Variants in RNLS observed in about 807,000 individuals in gnomAD.
RNLS encodes renalase.
RNLS carries 39 observed loss-of-function variants against 39.8 expected under a neutral mutation model. The ratio of observed to expected loss-of-function variants is 0.98; its 90% CI spans 0.76 to 1.28. The LOEUF is 1.28. RNLS is among the 50% of genes most tolerant of loss of function. The pLI is 0.00. For missense variants in RNLS, 410 were observed against 413.3 expected, an observed-to-expected ratio of 0.99 and a Z score of 0.07; for synonymous variants, 147 against 150.7, an observed-to-expected ratio of 0.98 and a Z score of 0.18.
chr10:88,186,870 A>G, the RNLS span, among the ~76,000 whole-genome samples: 1 of 152,092 alleles, frequency 6.6e-6, no homozygotes, highest in African/African-American at 2.4e-5. Flanking sequence ...TTAAGAGCTA[A>G]GGCAGAATTT....
chr10:88,377,571 CAT>C (rs909505722), intron 4 of RNLS, among the ~76,000 whole-genome samples: 19 of 151,820 alleles, frequency 1.3e-4, no homozygotes, highest in African/African-American at 4.1e-4. Context: ...GACTGTAACA[CAT>C]GTTACGTATT....
intron 5 of RNLS, among the ~76,000 whole-genome samples, chr10:88,360,693 CCCAAGATTTCCTTGATT>C (rs1190152120): frequency 1.3e-5 from 2 of 152,182 alleles, no homozygotes; most frequent in Non-Finnish European, 2.9e-5. Flanking sequence ...ACCTTGGCCT[CCCAAGATTTCCTTGATT>C]CTTAGAAAGG....
chr10:88,502,796 T>G (rs923351558), intron 4 of RNLS, among the ~76,000 whole-genome samples: 1 of 152,116 alleles, frequency 6.6e-6, no homozygotes. Flanking sequence ...GAAAACCTGA[T>G]AGTTCTCAGA....
chr10:88,443,141 C>T (rs1349540915), intron 4 of RNLS, among the ~76,000 whole-genome samples: 1 of 152,210 alleles, frequency 6.6e-6, no homozygotes, highest in African/African-American at 2.4e-5. Flanking sequence ...GTTTTTACCA[C>T]TCGCTATACA....
At chr10:88,275,962 G>A (rs980761792) in intron 6 of RNLS, among the ~76,000 whole-genome samples, 1 of 152,134 alleles carries the variant, frequency 6.6e-6, no homozygotes, top group Admixed American at 6.6e-5. Context: ...GCTGAGGCAG[G>A]AGGATCCCTT....
In RNLS at chr10:88,578,062, T is replaced by C. The variant is rs191607671; in HGVS notation, c.367+3505A>G. Among the ~76,000 whole-genome samples, 801 of 152,284 alleles carry C rather than the reference T, an allele frequency of 5.3e-3. 6 individuals are homozygous for C. Among genetic ancestry groups the C allele is most frequent in the Non-Finnish European group, 7.3e-3 (496 of 68,002 alleles). ...TAGTTGGCAATTTGATTTCTTAAAG[T>C]AAGGAATATATGAAGGTCAGCTTCA... On this transcript the variant is annotated intron_variant, in intron 3 of 6. Transcript: ENST00000331772.
intron 4 of RNLS, among the ~76,000 whole-genome samples, chr10:88,486,313 A>C (rs1844516308): frequency 6.6e-6 from 1 of 152,194 alleles, no homozygotes; most frequent in South Asian, 2.1e-4. Context: ...GGAACAGGCA[A>C]AGATTTCATG....
At chr10:88,362,226 C>T (rs1390061667) in intron 5 of RNLS, among the ~76,000 whole-genome samples, 2 of 151,898 alleles carry the variant, frequency 1.3e-5, no homozygotes, top group Admixed American at 6.6e-5. Context: ...ACAAACTTCA[C>T]CAAGAAACAA....
At chr10:88,334,899 C>A (rs943258459) in intron 5 of RNLS, among the ~76,000 whole-genome samples, 1 of 152,074 alleles carries the variant, frequency 6.6e-6, no homozygotes, top group African/African-American at 2.4e-5. Flanking sequence ...TAACTCTTGT[C>A]CCAGAAGGAA....
chr10:88,378,740 T>C (rs115805569), intron 4 of RNLS, among the ~76,000 whole-genome samples: 2,289 of 152,326 alleles, frequency 0.015, 67 homozygotes, highest in African/African-American at 0.052. Flanking sequence ...CTATACATAC[T>C]TTGTTGAACC....
intron 5 of RNLS, among the ~76,000 whole-genome samples, chr10:88,356,565 CTT>C (rs1330278041): frequency 1.3e-5 from 2 of 152,130 alleles, no homozygotes; most frequent in Non-Finnish European, 2.9e-5. Context: ...TGGAATAACA[CTT>C]CTGCATATTT....
At chr10:88,214,048 C>G in the RNLS span, among the ~76,000 whole-genome samples, 1 of 152,098 alleles carries the variant, frequency 6.6e-6, no homozygotes, top group Non-Finnish European at 1.5e-5. Flanking sequence ...CTCTCCATTT[C>G]TCGGCTCTGT....
the RNLS span, among the ~76,000 whole-genome samples, chr10:88,267,509 A>G: frequency 2.6e-5 from 4 of 152,182 alleles, no homozygotes; most frequent in Non-Finnish European, 5.9e-5. Flanking sequence ...CCAGGATTTC[A>G]AGGCGCAGTG....
intron 4 of RNLS, among the ~76,000 whole-genome samples, chr10:88,522,186 T>G (rs1205066522): frequency 2.6e-5 from 4 of 152,072 alleles, no homozygotes. Context: ...TATTTGTCAA[T>G]ACATTAATAG....
At chr10:88,560,564 G>T (rs1849117293) in intron 4 of RNLS, among the ~76,000 whole-genome samples, 1 of 152,098 alleles carries the variant, frequency 6.6e-6, no homozygotes, top group Non-Finnish European at 1.5e-5. Context: ...CCCGTAAGCA[G>T]AGAGTAGTAG....
the RNLS span, among the ~76,000 whole-genome samples, chr10:88,197,496 T>C: frequency 2.0e-5 from 3 of 152,148 alleles, no homozygotes; most frequent in Admixed American, 6.5e-5. Context: ...AGTGGTTAGA[T>C]GGTGCTCTGC....
At chr10:88,527,599 T>C (rs1847181639) in intron 4 of RNLS, among the ~76,000 whole-genome samples, 1 of 152,102 alleles carries the variant, frequency 6.6e-6, no homozygotes. Flanking sequence ...TATTGAGAGG[T>C]CCCCCTTGAA....
chr10:88,271,776 A>G (rs1020054860), downstream of RNLS, among the ~76,000 whole-genome samples: 1 of 152,230 alleles, frequency 6.6e-6, no homozygotes, highest in African/African-American at 2.4e-5. Flanking sequence ...TCAAATACCC[A>G]GGACTTGGCC....
chr10:88,507,498 A>G (rs1202149026), intron 4 of RNLS, among the ~76,000 whole-genome samples: 1 of 152,102 alleles, frequency 6.6e-6, no homozygotes, highest in East Asian at 1.9e-4. Context: ...TACTAACCAT[A>G]GCAAGACACT....
Sources: gnomAD v4.1 joint callset for allele counts (sites outside exome capture counted in the v4.1 genomes callset) on GRCh38, gnomAD v4.1.1 for gene constraint, MANE v1.5 for transcripts, NCBI Gene and HGNC (gene_info 2026-07-23, HGNC 2026-07-21) for gene names.